The following GBF1 variants were observed in gnomAD, a reference collection of about 807,000 sequenced individuals.
The protein encoded by GBF1 is Golgi-specific brefeldin A-resistance guanine nucleotide exchange factor 1.
GBF1 carries 114 observed loss-of-function variants against 210.5 expected under a neutral mutation model. The ratio of observed to expected loss-of-function variants is 0.54; its 90% CI spans 0.47 to 0.63. GBF1 has a LOEUF of 0.63. Among genes scored for constraint, GBF1 ranks in the 30% least tolerant of loss-of-function variants. The probability of loss-of-function intolerance (pLI) is 0.00; values close to 1 mark genes in which losing one functional copy is unlikely to be tolerated. For missense variants in GBF1, 1,851 were observed against 2,357.7 expected (o/e 0.79, Z 4.45); for synonymous variants, 850 against 889.2 (o/e 0.96, Z 0.78).
intron 12 of GBF1, among the ~76,000 whole-genome samples, chr10:102,360,715 C>T (rs982926857): frequency 2.0e-5 from 3 of 152,160 alleles, no homozygotes; most frequent in Admixed American, 6.5e-5. Flanking sequence ...CAGTGGCTCA[C>T]GCCTGTAATC....
At chr10:102,235,746 G>A in the GBF1 span, among the ~76,000 whole-genome samples, 2 of 152,208 alleles carry the variant, frequency 1.3e-5, no homozygotes, top group African/African-American at 2.4e-5. Flanking sequence ...TTCCTTGAGT[G>A]AGTCATCTGC....
intron 1 of GBF1, 25 bp from the exon 2 acceptor site, chr10:102,258,904 A>T (rs201753234): frequency 1.4e-4 from 158 of 1,166,756 alleles, no homozygotes; most frequent in Admixed American, 5.2e-4. Context: ...TATTAACCAG[A>T]CTATTATCTT....
intron 3 of GBF1, among the ~76,000 whole-genome samples, chr10:102,285,883 T>C (rs2075891765): frequency 6.6e-6 from 1 of 152,156 alleles, no homozygotes; most frequent in African/African-American, 2.4e-5. Context: ...TAGAAAAAAA[T>C]TATTTTGCTA....
intron 3 of GBF1, 78 bp downstream of exon 3, chr10:102,260,194 T>G (rs951042884): frequency 3.7e-6 from 3 of 819,516 alleles, no homozygotes; most frequent in Non-Finnish European, 6.2e-6. Context: ...TAGACAAACT[T>G]TTTGTATAAA....
In GBF1 at chr10:102,363,230, T is replaced by C; in HGVS notation, c.1877-26T>C. 6.3e-7 allele frequency: 1 copy of C among 1,598,048 alleles called. No homozygotes were observed. Among genetic ancestry groups the C allele is most frequent in the Non-Finnish European group, 8.5e-7 (1 of 1,172,234 alleles). On this transcript the variant is annotated intron_variant, in intron 15 of 39. Coordinates refer to ENST00000369983, the MANE Select transcript of GBF1 (RefSeq NM_001377137.1). This position sits in a 1 kb window ranked among gnomAD's most constrained non-coding sequence, Gnocchi z 4.2. ...GCTTGGCTTCATACCCTATAAGTCTTCACGTATCTTCTTCTCTCTTACCAG... is the reference window on the plus strand; with the variant it reads ...GCTTGGCTTCATACCCTATAAGTCTCCACGTATCTTCTTCTCTCTTACCAG...
At chr10:102,252,907 T>G (rs1213778722) in intron 1 of GBF1, among the ~76,000 whole-genome samples, 1 of 152,100 alleles carries the variant, frequency 6.6e-6, no homozygotes, top group Non-Finnish European at 1.5e-5. Flanking sequence ...ATTATTATTA[T>G]TTTTTGAGCC....
chr10:102,253,134 A>G lies in GBF1; in HGVS notation c.-10-5795A>G, dbSNP rs2071817537. Among the ~76,000 whole-genome samples, 8 of 152,094 alleles carry G rather than the reference A, an allele frequency of 5.3e-5. No homozygotes were observed. The South Asian group carries it at 1.7e-3, about 32-fold the overall frequency. On this transcript the variant is annotated intron_variant, in intron 1 of 39. Coordinates refer to ENST00000369983, the MANE Select transcript of GBF1 (RefSeq NM_001377137.1). Reference sequence around the variant, plus strand: ...GGTCTCAAACTCCTGACCTCAGTTGATCTGCCTGCTTTGGCCTCCCAAAGT... The same window carrying G: ...GGTCTCAAACTCCTGACCTCAGTTGGTCTGCCTGCTTTGGCCTCCCAAAGT...
At chr10:102,257,014 G>T (rs2072487743) in intron 1 of GBF1, among the ~76,000 whole-genome samples, 1 of 152,118 alleles carries the variant, frequency 6.6e-6, no homozygotes, top group East Asian at 1.9e-4. Flanking sequence ...CTCCAACCTG[G>T]GTGACAGAGT....
chr10:102,367,446 C>A, intron 20 of GBF1, 32 bp from the exon 21 acceptor site: 1 of 1,420,598 alleles, frequency 7.0e-7, no homozygotes, highest in Non-Finnish European at 1.0e-6. Context: ...AGTGTTGACA[C>A]AAGGGGAAAA....
At chr10:102,370,129 C>A (rs1350129812) in intron 26 of GBF1, 45 bp from the exon 27 acceptor site, 3 of 1,536,194 alleles carry the variant, frequency 2.0e-6, no homozygotes, top group South Asian at 2.2e-5. Flanking sequence ...ATTCTGTTCT[C>A]TTCAGCCTTT....
intron 4 of GBF1, 69 bp downstream of exon 4, chr10:102,344,251 T>G: frequency 7.0e-7 from 1 of 1,438,242 alleles, no homozygotes; most frequent in Non-Finnish European, 9.7e-7. Flanking sequence ...TGCCCAGGCC[T>G]TAGGCAATGA....
chr10:102,293,775 T>TTTTTTTG (rs2076665871), intron 3 of GBF1, among the ~76,000 whole-genome samples: 1 of 27,496 alleles, frequency 3.6e-5, no homozygotes, highest in Non-Finnish European at 6.2e-5. Context: ...TTTTGTGTTT[T>TTTTTTTG]TTTTTTTTTT....
chr10:102,232,685 A>C, the GBF1 span, among the ~76,000 whole-genome samples: 6 of 150,394 alleles, frequency 4.0e-5, no homozygotes, highest in South Asian at 4.2e-4. Context: ...CTGTCTCAAA[A>C]AACAACAACA....
Position 102,283,786 on chromosome 10 carries a change from A to G in GBF1, c.163+23670A>G, listed in dbSNP as rs774782390. Reference sequence around the variant, plus strand: ...GGGAGGATCTCTTATTCAGAATGCAAAACAGGAGACAGTGAAGTACCTGTG... The same window carrying G: ...GGGAGGATCTCTTATTCAGAATGCAGAACAGGAGACAGTGAAGTACCTGTG... On this transcript the variant is annotated intron_variant, in intron 3 of 39. Coordinates refer to ENST00000369983, the MANE Select transcript of GBF1 (RefSeq NM_001377137.1). 7.9e-5 allele frequency among the ~76,000 whole-genome samples: 12 copies of G among 152,222 alleles called. 1 individual carries two copies. Among genetic ancestry groups the G allele is most frequent in the Non-Finnish European group, 1.8e-4 (12 of 68,036 alleles).
rs1189327870 is a variant in GBF1, at chr10:102,379,630, A to T, written c.4755A>T (p.Glu1585Asp). Residue 1585 changes from glutamate to aspartate, a missense_variant, in exon 35 of 40, where the codon GAA (glutamate) becomes GAT (aspartate). Coordinates refer to ENST00000369983, the MANE Select transcript of GBF1 (RefSeq NM_001377137.1). ...ATCTGCAAAAGCTAGATGCCCTGGA[A>T]TGGGAGTCCTGTTTTAACAAGGTGG... ...VHDLQKLDAL[E>D]WESCFNKVLF... 1.2e-6 allele frequency: 2 copies of T among 1,614,014 alleles called. No individual in the cohort carries two copies. The highest frequency in any genetic ancestry group is 8.5e-7 in the Non-Finnish European group (1 of 1,179,994).
chr10:102,360,992 A>C (rs1306160609), intron 12 of GBF1, 30 bp from the exon 13 acceptor site: 3 of 1,157,696 alleles, frequency 2.6e-6, no homozygotes, highest in East Asian at 2.3e-5. Context: ...AAAAAAAAAA[A>C]CTCATGGCCT....
At position 102,362,468 on chromosome 10, in the gene GBF1, T is replaced by C. The variant is rs772611563; in HGVS notation, c.1687-7T>C. 6.3e-7 allele frequency: 1 copy of C among 1,596,730 alleles called. No individual in the cohort carries two copies. The highest frequency in any genetic ancestry group is 8.6e-7 in the Non-Finnish European group (1 of 1,165,558). Reference sequence around the variant, plus strand: ...CTACAAGTCCAATTGATCTGTTTACTTTCCAGAATGCCTTCCCTGTGTCTG... The same window carrying C: ...CTACAAGTCCAATTGATCTGTTTACCTTCCAGAATGCCTTCCCTGTGTCTG... On this transcript the variant is annotated splice_polypyrimidine_tract_variant and splice_region_variant and intron_variant, in intron 14 of 39. Transcript: ENST00000369983.
At chr10:102,249,098 CT>C (rs2071186622) in intron 1 of GBF1, among the ~76,000 whole-genome samples, 1 of 152,086 alleles carries the variant, frequency 6.6e-6, no homozygotes, top group Non-Finnish European at 1.5e-5. Flanking sequence ...ATTTTTAAGC[CT>C]TTTTCAGGCC....
At chr10:102,265,255 G>A (rs911427692) in intron 3 of GBF1, among the ~76,000 whole-genome samples, 2 of 152,120 alleles carry the variant, frequency 1.3e-5, no homozygotes, top group Non-Finnish European at 1.5e-5. Context: ...TGTGAGTTGT[G>A]GTGTTTGGTT....
Sources: gnomAD v4.1 joint callset for allele counts (sites outside exome capture counted in the v4.1 genomes callset) on GRCh38, gnomAD v4.1.1 for gene constraint, Gnocchi (gnomAD v3.1) non-coding constraint, MANE v1.5 for transcripts, NCBI Gene and HGNC (gene_info 2026-07-23, HGNC 2026-07-21) for gene names.